Variants in ADGRA2 observed in about 807,000 individuals in gnomAD.
ADGRA2 encodes the protein G-protein coupled receptor 124.
ADGRA2 carries 61 observed loss-of-function variants against 98.7 expected under a neutral mutation model. That is an observed-to-expected ratio of 0.62 (90% CI 0.50 to 0.76). The LOEUF (loss-of-function observed/expected upper bound fraction) is 0.76. ADGRA2 is among the 30% of genes least tolerant of loss of function. The pLI is 0.00. For missense variants in ADGRA2, 1,712 were observed against 1,860.0 expected (o/e 0.92, Z 1.46); for synonymous variants, 858 against 831.5 (o/e 1.03, Z -0.55).
At chr8:37,823,507 TA>T (rs1251243307) in intron 2 of ADGRA2, among the ~76,000 whole-genome samples, 3 of 152,200 alleles carry the variant, frequency 2.0e-5, no homozygotes, top group African/African-American at 7.2e-5. Context: ...GGCCAGTTTC[TA>T]CTTTTTGCTA....
In ADGRA2 at chr8:37,841,958, G is replaced by A. The variant is rs1361008534; in HGVS notation, c.3620G>A (p.Gly1207Asp). The change falls in exon 19 of 19, where the codon GGC (glycine) becomes GAC (aspartate). Residue 1207 changes from glycine (G) to aspartate (D), a missense_variant. By Grantham distance (94) the Gly-to-Asp change is moderately conservative. Transcript: ENST00000412232. This position sits in a 1 kb window ranked among gnomAD's most constrained non-coding sequence, Gnocchi z 5.0. The stretch of plus-strand genomic sequence containing the variant: ...AACCGGCTCAAGGCCCTGCGCGGGG[G>A]CGCGGCGGGGGCGCTGGAGCTGCTG... ...GKNRLKALRGGAAGALELLSS... is the reference protein window; with the variant it reads ...GKNRLKALRGDAAGALELLSS... 37 of 1,502,964 alleles carry A rather than the reference G, an allele frequency of 2.5e-5. No individual in the cohort carries two copies. Among genetic ancestry groups the A allele is most frequent in the Non-Finnish European group, 3.1e-5 (35 of 1,134,938 alleles). The allele number at this position is 1,502,964 out of a possible 1,614,324, so 93.1% of individuals were successfully genotyped here.
At chr8:37,832,119 C>CTTTT (rs35211276) in intron 8 of ADGRA2, among the ~76,000 whole-genome samples, 1 of 146,104 alleles carries the variant, frequency 6.8e-6, no homozygotes. Context: ...CAGAAAAAGA[C>CTTTT]TTTTTTTTTT....
chr8:37,813,798 G>A lies in ADGRA2; in HGVS notation c.267-1098G>A, dbSNP rs146784677. On this transcript the variant is annotated intron_variant, in intron 1 of 18. Transcript: ENST00000412232. ...AGACAGAGCAGCTGGAATGTCAGCCGTCGGGGGTCTCCCCACTGCCCCTGG... is the reference window on the plus strand; with the variant it reads ...AGACAGAGCAGCTGGAATGTCAGCCATCGGGGGTCTCCCCACTGCCCCTGG... Among the ~76,000 whole-genome samples the A allele has an allele frequency of 5.9e-3, 892 of 152,284 alleles. 10 individuals carry two copies. The highest frequency in any genetic ancestry group is 0.02 in the African/African-American group (840 of 41,568).
Position 37,842,191 on chromosome 8 carries a change from G to A in ADGRA2, c.3853G>A (p.Ala1285Thr), listed in dbSNP as rs1216606024. The change falls in exon 19 of 19, where the codon GCG becomes ACG. Residue 1285 changes from alanine to threonine, a missense_variant. Ala to Thr is a moderately conservative substitution (Grantham distance 58). Coordinates refer to ENST00000412232, the MANE Select transcript of ADGRA2 (RefSeq NM_032777.10). ...ASRDSLKGGG[A>T]LEKESHRRSY... Reference sequence around the variant, plus strand: ...CCGCGACAGTCTCAAGGGCGGCGGCGCGCTGGAGAAGGAGAGCCATCGCCG... The same window carrying A: ...CCGCGACAGTCTCAAGGGCGGCGGCACGCTGGAGAAGGAGAGCCATCGCCG... 122 of 1,540,594 alleles carry A rather than the reference G, an allele frequency of 7.9e-5. No individual in the cohort carries two copies. The highest frequency in any genetic ancestry group is 1.1e-4 in the Non-Finnish European group (121 of 1,144,378).
Position 37,814,978 on chromosome 8 carries a change from G to A in ADGRA2, c.338+11G>A. On this transcript the variant is annotated intron_variant, in intron 2 of 18. Transcript: ENST00000412232. This position sits in a 1 kb window ranked among gnomAD's most constrained non-coding sequence, Gnocchi z 4.3. ...ACTGCTGGAGAAGCTGTAAGTGCTG[G>A]GGAAGGTGAGGTGGAGGAGGGGGGT... 1.3e-6 allele frequency: 2 copies of A among 1,594,822 alleles called. No homozygotes were observed. The highest frequency in any genetic ancestry group is 2.2e-5 in the East Asian group (1 of 44,780).
At position 37,834,695 on chromosome 8, in the gene ADGRA2, A is replaced by C. The variant is rs1367500459; in HGVS notation, c.1609-479A>C. 6.6e-6 allele frequency among the ~76,000 whole-genome samples: 1 copy of C among 152,044 alleles called. No homozygotes were observed. The highest frequency in any genetic ancestry group is 1.5e-5 in the Non-Finnish European group (1 of 68,014). ...GATCTCCCAAGGCCAGGAGTTGGAG[A>C]CCAGCCTGGGCAACAGAGAGACCTG... On this transcript the variant is annotated intron_variant, in intron 11 of 18. Transcript: ENST00000412232. This position sits in a 1 kb window ranked among gnomAD's most constrained non-coding sequence, Gnocchi z 4.2.
rs906468592 is a variant in ADGRA2 at position 37,840,112 on chromosome 8, A to G, written c.2512-9A>G. On this transcript the variant is annotated splice_polypyrimidine_tract_variant and intron_variant, in intron 16 of 18. Coordinates refer to ENST00000412232, the MANE Select transcript of ADGRA2 (RefSeq NM_032777.10). ...CCAGGTCCCCAGCCTCCGTGCCTTG[A>G]CCCCGCAGGTGGGCATCACCCTGCA... The G allele has an allele frequency of 1.9e-6, 3 of 1,576,788 alleles. No individual in the cohort carries two copies. In the African/African-American group the frequency reaches 4.0e-5, roughly 21 times the overall value.
chr8:37,844,315 C>G lies in ADGRA2; in HGVS notation c.*1960C>G, dbSNP rs1286138374. 5.5e-6 allele frequency: 4 copies of G among 721,928 alleles called. No individual in the cohort carries two copies. The highest frequency in any genetic ancestry group is 9.2e-6 in the Non-Finnish European group (4 of 433,844). The allele number at this position is 721,928 out of a possible 1,614,324, so 44.7% of individuals were successfully genotyped here. A position where few individuals can be genotyped will look rare whatever the true frequency, so the allele number is the denominator to read the frequency against. ...GGAATCTCTCCTACCTATAGTCATCCCTGCACTCCTGACTTTACTCCAGGA... is the reference window on the plus strand; with the variant it reads ...GGAATCTCTCCTACCTATAGTCATCGCTGCACTCCTGACTTTACTCCAGGA... On this transcript the variant is annotated 3_prime_UTR_variant, in exon 19 of 19. Coordinates refer to ENST00000412232, the MANE Select transcript of ADGRA2 (RefSeq NM_032777.10).
intron 7 of ADGRA2, among the ~76,000 whole-genome samples, chr8:37,831,220 G>A (rs1309400971): frequency 6.6e-6 from 1 of 152,134 alleles, no homozygotes; most frequent in Non-Finnish European, 1.5e-5. Flanking sequence ...AGATATTATT[G>A]GCTCCATGAT....
At position 37,835,353 on chromosome 8, in the gene ADGRA2, C is replaced by T. The variant is rs1805577504; in HGVS notation, c.1788C>T (p.Cys596=). ...CTGACCAGCAGCTCCGCTTCCGCTG[C>T]ACCACCGGGAGGCCCAATGTTTCTC... ...PPADQQLRFR[C]TTGRPNVSLS... The change falls in exon 12 of 19, where the codon TGC becomes TGT. Residue 596 remains cysteine (C), a synonymous_variant. Transcript: ENST00000412232. 2 of 1,612,868 alleles carry T rather than the reference C, an allele frequency of 1.2e-6. No homozygotes were observed. Among genetic ancestry groups the T allele is most frequent in the African/African-American group, 2.7e-5 (2 of 75,004 alleles).
chr8:37,821,611 G>A (rs1475900465), intron 2 of ADGRA2, among the ~76,000 whole-genome samples: 1 of 152,184 alleles, frequency 6.6e-6, no homozygotes, highest in East Asian at 1.9e-4. Flanking sequence ...GCCGGCCAGG[G>A]CAGACAGCCC....
Position 37,841,477 on chromosome 8 carries a change from C to A in ADGRA2, c.3139C>A (p.Arg1047=). 6.2e-7 allele frequency: 1 copy of A among 1,612,956 alleles called. No homozygotes were observed. Among genetic ancestry groups the A allele is most frequent in the South Asian group, 1.1e-5 (1 of 91,008 alleles). Residue 1047 remains arginine (R), a synonymous_variant, in exon 19 of 19, where the codon CGG becomes AGG. Coordinates refer to ENST00000412232, the MANE Select transcript of ADGRA2 (RefSeq NM_032777.10). This position sits in a 1 kb window ranked among gnomAD's most constrained non-coding sequence, Gnocchi z 5.0. ...ALAVSQRWLP[R]VVCSCLYGVA... ...GGCAGTGTCCCAGCGCTGGCTGCCC[C>A]GGGTGGTGTGCAGCTGCTTGTACGG... is the stretch of plus-strand genomic sequence containing the variant.
intron 1 of ADGRA2, among the ~76,000 whole-genome samples, chr8:37,798,759 C>T (rs776480909): frequency 3.9e-5 from 6 of 152,238 alleles, no homozygotes; most frequent in Non-Finnish European, 7.3e-5. Context: ...AGAGGCTGCC[C>T]GCTTCCTGAC....
At chr8:37,825,534 C>G (rs1002678350) in intron 2 of ADGRA2, among the ~76,000 whole-genome samples, 4 of 152,014 alleles carry the variant, frequency 2.6e-5, no homozygotes, top group Admixed American at 1.3e-4. Flanking sequence ...CAGGTGTGAG[C>G]CACCGCACCC....
intron 2 of ADGRA2, among the ~76,000 whole-genome samples, chr8:37,818,298 A>T (rs1371111554): frequency 6.6e-6 from 1 of 152,180 alleles, no homozygotes; most frequent in Non-Finnish European, 1.5e-5. Flanking sequence ...AAGGTACTGC[A>T]CAGAGCCCCT....
rs763373351 is a variant in ADGRA2 at position 37,833,747 on chromosome 8, C to T, written c.1356C>T (p.Ala452=). Residue 452 remains alanine, a synonymous_variant, in exon 10 of 19, where the codon GCC becomes GCT. Coordinates refer to ENST00000412232, the MANE Select transcript of ADGRA2 (RefSeq NM_032777.10). ...TLAHQLRVYT[A]EAASFSDMMD... ...CTCACCAGCTGCGCGTGTACACAGC[C>T]GAGGCCGCTAGCTTTTCAGACATGA... The T allele has an allele frequency of 5.0e-6, 8 of 1,614,048 alleles. No individual in the cohort carries two copies. The highest frequency in any genetic ancestry group is 3.3e-5 in the Admixed American group (2 of 60,010).
chr8:37,838,964 C>G lies in ADGRA2; in HGVS notation c.2268C>G (p.Ser756Arg), dbSNP rs752796811. The part of the protein sequence containing the change: ...LGNVAVLMEL[S>R]AFPREVGGAG... ...TTCCTGCCCTTTCCCAGGAGCTGAG[C>G]GCCTTTCCCAGGGAGGTGGGGGGCG... The change falls in exon 15 of 19, where the codon AGC becomes AGG. Residue 756 changes from serine (S) to arginine (R), a missense_variant. Transcript: ENST00000412232. 6.4e-7 allele frequency: 1 copy of G among 1,568,504 alleles called. No homozygotes were observed. Among genetic ancestry groups the G allele is most frequent in the Admixed American group, 1.9e-5 (1 of 53,598 alleles).
intron 1 of ADGRA2, among the ~76,000 whole-genome samples, chr8:37,808,558 C>CTGTGTGTGTG (rs150292268): frequency 6.8e-6 from 1 of 146,620 alleles, no homozygotes; most frequent in Non-Finnish European, 1.5e-5. Context: ...TTGGATGAAG[C>CTGTGTGTGTG]TGTGTGTGTG....
At position 37,835,789 on chromosome 8, in the gene ADGRA2, C is replaced by T. The variant is rs201020823; in HGVS notation, c.2050+19C>T. Reference sequence around the variant, plus strand: ...GGAACCAGTAAGGGACTGAATTCCCCGCCCCGCCCAGGGTGCCTCTCGTGT... The same window carrying T: ...GGAACCAGTAAGGGACTGAATTCCCTGCCCCGCCCAGGGTGCCTCTCGTGT... On this transcript the variant is annotated intron_variant, in intron 13 of 18. Coordinates refer to ENST00000412232, the MANE Select transcript of ADGRA2 (RefSeq NM_032777.10). 669 of 1,526,100 alleles carry T rather than the reference C, an allele frequency of 4.4e-4. 4 individuals are homozygous for T. In the Middle Eastern group the frequency reaches 4.8e-3, roughly 11 times the overall value. 94.5% of individuals were successfully genotyped at this position (1,526,100 alleles called of 1,614,324 possible).
Sources: gnomAD v4.1 joint callset for allele counts (sites outside exome capture counted in the v4.1 genomes callset) on GRCh38, gnomAD v4.1.1 for gene constraint, Gnocchi (gnomAD v3.1) non-coding constraint, MANE v1.5 for transcripts, NCBI Gene and HGNC (gene_info 2026-07-23, HGNC 2026-07-21) for gene names.